TMEM217B: variants seen among roughly 807,000 people sequenced by gnomAD.
TMEM217B encodes putative transmembrane protein 217B.
At chr6:37,233,393 C>T in the TMEM217B span, among the ~76,000 whole-genome samples, 2 of 152,140 alleles carry the variant, frequency 1.3e-5, no homozygotes, top group East Asian at 3.8e-4. Flanking sequence ...AAATTTATTT[C>T]TCAGTTTTGG....
chr6:37,219,574 C>G, the TMEM217B span, among the ~76,000 whole-genome samples: 1 of 151,932 alleles, frequency 6.6e-6, no homozygotes, highest in Non-Finnish European at 1.5e-5. Context: ...AACCCCATCT[C>G]TACAAAAATT....
At chr6:37,229,335 GTTTTTTT>G in the TMEM217B span, among the ~76,000 whole-genome samples, 7 of 74,368 alleles carry the variant, frequency 9.4e-5, no homozygotes, top group East Asian at 4.6e-4. Context: ...GCAACTTTCA[GTTTTTTT>G]TTTTTTTTTT....
the TMEM217B span, chr6:37,217,581 C>A: frequency 1.6e-4 from 155 of 947,680 alleles, no homozygotes; most frequent in African/African-American, 2.3e-4. Flanking sequence ...TAAGGAAGTG[C>A]CTTTCACACT....
the TMEM217B span, among the ~76,000 whole-genome samples, chr6:37,224,910 G>A: frequency 6.6e-6 from 1 of 152,016 alleles, no homozygotes; most frequent in African/African-American, 2.4e-5. Flanking sequence ...CAGTCATGGT[G>A]GCTCATGCCT....
the TMEM217B span, among the ~76,000 whole-genome samples, chr6:37,241,733 G>A: frequency 2.6e-5 from 4 of 152,034 alleles, no homozygotes; most frequent in African/African-American, 9.7e-5. Flanking sequence ...AAATACAAAT[G>A]GACATTTTGT....
the TMEM217B span, among the ~76,000 whole-genome samples, chr6:37,222,319 GC>G: frequency 2.0e-5 from 3 of 152,240 alleles, no homozygotes; most frequent in South Asian, 2.1e-4. Flanking sequence ...GCCATCCATG[GC>G]CCCCCCAGGG....
the TMEM217B span, chr6:37,257,930 A>G: frequency 6.2e-7 from 1 of 1,614,036 alleles, no homozygotes; most frequent in Non-Finnish European, 8.5e-7. Flanking sequence ...GGCCGCTGAG[A>G]ACAGCAAGCA....
At chr6:37,241,567 GC>G in the TMEM217B span, among the ~76,000 whole-genome samples, 1 of 152,198 alleles carries the variant, frequency 6.6e-6, no homozygotes, top group Admixed American at 6.5e-5. Flanking sequence ...GCATGAGGCA[GC>G]TGTCAGCACC....
At chr6:37,213,501 G>GCCTTGTCC in the TMEM217B span, among the ~76,000 whole-genome samples, 1 of 152,240 alleles carries the variant, frequency 6.6e-6, no homozygotes, top group Non-Finnish European at 1.5e-5. Context: ...GCATGGCCCA[G>GCCTTGTCC]CCTTGTCCCA....
chr6:37,214,947 C>A, the TMEM217B span, among the ~76,000 whole-genome samples: 27,484 of 152,080 alleles, frequency 0.18, 2,603 homozygotes, highest in Non-Finnish European at 0.2. Flanking sequence ...GCAGCCACTA[C>A]CCATGGGGTA....
the TMEM217B span, chr6:37,219,083 C>G: frequency 3.3e-6 from 5 of 1,533,306 alleles, no homozygotes; most frequent in Non-Finnish European, 4.4e-6. Context: ...TAGTTCCTGC[C>G]AACATGGTAA....
At chr6:37,215,255 C>A in the TMEM217B span, 1 of 1,613,730 alleles carries the variant, frequency 6.2e-7, no homozygotes, top group Non-Finnish European at 8.5e-7. Context: ...GCACTGGAGA[C>A]AGACAGGTAA....
chr6:37,246,107 G>C, the TMEM217B span, among the ~76,000 whole-genome samples: 1 of 152,062 alleles, frequency 6.6e-6, no homozygotes, highest in African/African-American at 2.4e-5. Context: ...CGGCCAACAG[G>C]CTCTCATTTT....
At chr6:37,252,613 GTGTGTATA>G in the TMEM217B span, among the ~76,000 whole-genome samples, 58 of 89,952 alleles carry the variant, frequency 6.4e-4, no homozygotes, top group South Asian at 1.2e-3. Flanking sequence ...GTGTGTATGT[GTGTGTATA>G]TATATATATA....
chr6:37,218,520 T>TGG, the TMEM217B span: 1 of 1,614,170 alleles, frequency 6.2e-7, no homozygotes, highest in Non-Finnish European at 8.5e-7. Context: ...ATCTCCGCTG[T>TGG]AGAAATTCGT....
At chr6:37,242,038 T>C in the TMEM217B span, among the ~76,000 whole-genome samples, 2 of 151,480 alleles carry the variant, frequency 1.3e-5, no homozygotes, top group Non-Finnish European at 2.9e-5. Context: ...GCCTGCTCTT[T>C]CCCTGCCCCT....
chr6:37,229,499 C>A, the TMEM217B span, among the ~76,000 whole-genome samples: 55 of 152,020 alleles, frequency 3.6e-4, no homozygotes, highest in African/African-American at 1.3e-3. Context: ...CCCGCCACCA[C>A]GCCCGGCTAA....
the TMEM217B span, among the ~76,000 whole-genome samples, chr6:37,230,998 A>G: frequency 6.6e-6 from 1 of 152,114 alleles, no homozygotes; most frequent in Non-Finnish European, 1.5e-5. Flanking sequence ...ATTAAACCAA[A>G]TCAATTCAAG....
chr6:37,256,540 G>A, the TMEM217B span, among the ~76,000 whole-genome samples: 3 of 152,288 alleles, frequency 2.0e-5, no homozygotes, highest in African/African-American at 7.2e-5. Flanking sequence ...TAGCATGAAA[G>A]ACTCAGAGGA....
Sources: allele counts gnomAD v4.1 joint callset (sites outside exome capture counted in the v4.1 genomes callset), GRCh38; gene constraint gnomAD v4.1.1; transcripts MANE v1.5; gene names NCBI Gene and HGNC (gene_info 2026-07-23, HGNC 2026-07-21).